RBFOX1: variants seen among roughly 807,000 people sequenced by gnomAD.
The protein encoded by RBFOX1 is RNA binding protein fox-1 homolog 1.
RBFOX1 carries 8 observed loss-of-function variants against 57.7 expected under a neutral mutation model. The observed-to-expected ratio is 0.14, with a 90% CI of 0.08 to 0.25. RBFOX1 has a LOEUF of 0.25. RBFOX1 is among the 10% of genes least tolerant of loss of function. The probability of loss-of-function intolerance (pLI) is 1.00; values close to 1 mark genes in which losing one functional copy is unlikely to be tolerated. For synonymous variants in RBFOX1, 326 were observed against 222.4 expected (o/e 1.47, Z -4.15); for missense variants, 611 against 548.5 (o/e 1.11, Z -1.14).
chr16:6,024,461 A>C (rs1330176655), intron 1 of RBFOX1, among the ~76,000 whole-genome samples: 1 of 152,152 alleles, frequency 6.6e-6, no homozygotes, highest in Non-Finnish European at 1.5e-5. Context: ...ATGGATCCAT[A>C]CATTTATCCA....
intron 4 of RBFOX1, among the ~76,000 whole-genome samples, chr16:7,288,360 G>A (rs974342126): frequency 2.6e-5 from 4 of 152,190 alleles, no homozygotes; most frequent in African/African-American, 9.7e-5. Context: ...ACTCATCTGA[G>A]TTAGGGCCTC....
chr16:5,347,776 A>C (rs1596603198), intron 1 of RBFOX1, among the ~76,000 whole-genome samples: 4 of 113,018 alleles, frequency 3.5e-5, no homozygotes, highest in Non-Finnish European at 5.4e-5. Context: ...ACTTCCACCC[A>C]CCCATTGGTC....
chr16:6,535,817 A>T (rs2096727375), intron 2 of RBFOX1, among the ~76,000 whole-genome samples: 3 of 152,218 alleles, frequency 2.0e-5, no homozygotes. Context: ...ATGTTACACA[A>T]GCTCAGTTTC....
intron 3 of RBFOX1, among the ~76,000 whole-genome samples, chr16:6,825,194 G>A (rs1222997525): frequency 6.7e-6 from 1 of 149,592 alleles, no homozygotes; most frequent in East Asian, 2.0e-4. Flanking sequence ...TTGTGGGGGG[G>A]CTGACGTGTT....
At chr16:7,651,956 T>C (rs1213468428) in intron 11 of RBFOX1, among the ~76,000 whole-genome samples, 1 of 151,910 alleles carries the variant, frequency 6.6e-6, no homozygotes, top group East Asian at 1.9e-4. Flanking sequence ...CGAACTGAGC[T>C]TGAAGGAAAA....
At chr16:6,715,389 T>C (rs2064589982) in intron 3 of RBFOX1, among the ~76,000 whole-genome samples, 1 of 152,170 alleles carries the variant, frequency 6.6e-6, no homozygotes, top group Admixed American at 6.5e-5. Flanking sequence ...AGCTTTATCT[T>C]GCTGCATTAT....
At chr16:6,433,846 C>CT (rs201617630) in intron 2 of RBFOX1, among the ~76,000 whole-genome samples, 8,210 of 127,040 alleles carry the variant, frequency 0.065, 625 homozygotes, top group African/African-American at 0.18. Flanking sequence ...TTTCATTTTT[C>CT]TTTTTTTTTT....
chr16:5,581,874 T>C (rs2046679391), intron 2 of RBFOX1, among the ~76,000 whole-genome samples: 1 of 151,764 alleles, frequency 6.6e-6, no homozygotes, highest in African/African-American at 2.4e-5. Context: ...CTCTGAGAGG[T>C]AGGAAGTGAT....
At position 6,859,010 on chromosome 16, in the gene RBFOX1, A is replaced by T. The variant is rs117656008; in HGVS notation, c.-15-193047A>T. The stretch of plus-strand genomic sequence containing the variant: ...TAGCTTAGCTGACCAGGTCACAGGG[A>T]TGTGTACCTGTTTATGTATAAGTGC... On this transcript the variant is annotated intron_variant, in intron 3 of 15. Transcript: ENST00000550418. 1.2e-3 allele frequency among the ~76,000 whole-genome samples: 186 copies of T among 150,760 alleles called. 2 individuals are homozygous for T. The East Asian group carries it at 0.031, about 25-fold the overall frequency.
At position 5,617,066 on chromosome 16, in the gene RBFOX1, T is replaced by A. The variant is rs145662790; in HGVS notation, c.318+18105T>A. On this transcript the variant is annotated intron_variant, in intron 3 of 19. Coordinates refer to the RBFOX1 transcript ENST00000641259. ...GGTTGCTGAGGGGTTGAAATTTCCC[T>A]CAGATCTAGCCATCCATTCCCTCCC... 3.6e-3 allele frequency among the ~76,000 whole-genome samples: 541 copies of A among 152,014 alleles called. 4 individuals are homozygous for A. The highest frequency in any genetic ancestry group is 0.012 in the African/African-American group (493 of 41,470).
At chr16:5,583,329 G>C (rs1209842892) in intron 2 of RBFOX1, among the ~76,000 whole-genome samples, 1 of 152,182 alleles carries the variant, frequency 6.6e-6, no homozygotes, top group Non-Finnish European at 1.5e-5. Context: ...ACAATGAAAA[G>C]CTAACTTAAT....
intron 2 of RBFOX1, among the ~76,000 whole-genome samples, chr16:6,622,524 G>A (rs1036287903): frequency 6.6e-5 from 10 of 152,116 alleles, no homozygotes; most frequent in Admixed American, 2.6e-4. Flanking sequence ...TAACTGCACC[G>A]TGTGATGTTG....
At chr16:6,202,705 A>G (rs1273154517) in intron 1 of RBFOX1, among the ~76,000 whole-genome samples, 3 of 152,168 alleles carry the variant, frequency 2.0e-5, no homozygotes, top group Non-Finnish European at 2.9e-5. Context: ...ACCATAATCA[A>G]TGCTGTATAT....
chr16:5,830,175 G>C (rs1292123018), intron 3 of RBFOX1, among the ~76,000 whole-genome samples: 1 of 152,056 alleles, frequency 6.6e-6, no homozygotes, highest in Non-Finnish European at 1.5e-5. Flanking sequence ...ATATTACCCA[G>C]CTAATCCAGT....
chr16:6,683,710 C>T (rs1371169313), intron 3 of RBFOX1, among the ~76,000 whole-genome samples: 1 of 152,112 alleles, frequency 6.6e-6, no homozygotes, highest in Admixed American at 6.6e-5. Context: ...CTAAGTACAG[C>T]AGGGTGTGTG....
At chr16:6,762,789 G>A (rs1158592007) in intron 3 of RBFOX1, among the ~76,000 whole-genome samples, 1 of 152,106 alleles carries the variant, frequency 6.6e-6, no homozygotes, top group Admixed American at 6.5e-5. Flanking sequence ...AGGAAGACAG[G>A]CAAGGAAACA....
chr16:5,608,874 T>C (rs953704986), intron 3 of RBFOX1, among the ~76,000 whole-genome samples: 4 of 152,184 alleles, frequency 2.6e-5, no homozygotes, highest in Admixed American at 1.3e-4. Context: ...CTGAAATGCA[T>C]CTCTGCTCTT....
rs2095021314 is a variant in RBFOX1, at chr16:6,019,098, C to T, written c.-1021C>T. On this transcript the variant is annotated 5_prime_UTR_variant, in exon 1 of 16. Coordinates refer to ENST00000550418, the MANE Select transcript of RBFOX1 (RefSeq NM_018723.4). This position sits in a 1 kb window ranked among gnomAD's most constrained non-coding sequence, Gnocchi z 4.2. ...TCACACACACACAGACACACACGCA[C>T]ACACACACATGCACACATTTTCTCG... The T allele has an allele frequency of 1.0e-6, 1 of 984,844 alleles. No individual in the cohort carries two copies. The highest frequency in any genetic ancestry group is 1.2e-6 in the Non-Finnish European group (1 of 829,848). 61.0% of individuals were successfully genotyped at this position (984,844 alleles called of 1,614,324 possible).
chr16:6,437,131 G>C, intron 2 of RBFOX1, among the ~76,000 whole-genome samples: 1 of 152,086 alleles, frequency 6.6e-6, no homozygotes, highest in Non-Finnish European at 1.5e-5. Flanking sequence ...CTTTTGCACA[G>C]ACACTATTTT....
Sources: allele counts gnomAD v4.1 joint callset (sites outside exome capture counted in the v4.1 genomes callset), GRCh38; gene constraint gnomAD v4.1.1; non-coding constraint Gnocchi (gnomAD v3.1); transcripts MANE v1.5; gene names NCBI Gene and HGNC (gene_info 2026-07-23, HGNC 2026-07-21).